Variants in FAT3 observed in about 807,000 individuals in gnomAD.
The protein encoded by FAT3 is FAT atypical cadherin 3.
A neutral mutation model predicts 310.2 loss-of-function variants in FAT3; 95 were observed. That is an observed-to-expected ratio of 0.31 (90% CI 0.26 to 0.36). The LOEUF is 0.36. Ranked by LOEUF, FAT3 falls within the 10% of genes least tolerant of loss-of-function variation. The pLI, the probability that FAT3 is intolerant of heterozygous loss-of-function variation, is 1.00. For missense variants in FAT3, 5,408 were observed against 5,715.6 expected, an observed-to-expected ratio of 0.95 and a Z score of 1.74; for synonymous variants, 2,314 against 2,192.9, an observed-to-expected ratio of 1.06 and a Z score of -1.54.
intron 4 of FAT3, among the ~76,000 whole-genome samples, chr11:92,756,947 A>G (rs1946011396): frequency 8.2e-6 from 1 of 121,998 alleles, no homozygotes; most frequent in Admixed American, 9.1e-5. Flanking sequence ...TTTTTTAGAC[A>G]GAGGTTTGCT....
At position 92,487,765 on chromosome 11, in the gene FAT3, C is replaced by T. The variant is rs577880108; in HGVS notation, c.3293-36869C>T. ...GTATAATCTAATAGGGTTATTATAG[C>T]TCCCAGTTCTTATGACCCTACCTTC... is the stretch of plus-strand genomic sequence containing the variant. On this transcript the variant is annotated intron_variant, in intron 2 of 27. Transcript: ENST00000525166. 2.6e-5 allele frequency among the ~76,000 whole-genome samples: 4 copies of T among 152,270 alleles called. No homozygotes were observed. In the East Asian group the frequency reaches 7.8e-4, roughly 30 times the overall value.
At chr11:92,622,258 T>C (rs1941121577) in intron 3 of FAT3, among the ~76,000 whole-genome samples, 2 of 148,300 alleles carry the variant, frequency 1.3e-5, no homozygotes, top group South Asian at 4.5e-4. Flanking sequence ...GACTCCAGCA[T>C]AGGCAAGAGC....
chr11:92,245,691 A>G (rs1412174995), intron 1 of FAT3, among the ~76,000 whole-genome samples: 1 of 152,142 alleles, frequency 6.6e-6, no homozygotes, highest in Non-Finnish European at 1.5e-5. Context: ...GTAGCTTGAA[A>G]GCAGCCATAA....
chr11:92,699,794 A>T (rs894084975), intron 4 of FAT3, among the ~76,000 whole-genome samples: 2 of 152,204 alleles, frequency 1.3e-5, no homozygotes, highest in African/African-American at 4.8e-5. Flanking sequence ...AATACATGTA[A>T]AACATCCAGT....
chr11:92,415,883 G>T, intron 2 of FAT3, among the ~76,000 whole-genome samples: 1 of 119,916 alleles, frequency 8.3e-6, no homozygotes, highest in Non-Finnish European at 1.7e-5. Flanking sequence ...TAAGAGATTA[G>T]GTGTCTGTGT....
At chr11:92,497,993 TG>T (rs1308129515) in intron 2 of FAT3, among the ~76,000 whole-genome samples, 2 of 152,004 alleles carry the variant, frequency 1.3e-5, no homozygotes, top group Admixed American at 6.6e-5. Context: ...TGCTGAGGCC[TG>T]GGGGTAGAGT....
chr11:92,787,059 A>G (rs1272994274), intron 7 of FAT3, among the ~76,000 whole-genome samples: 1 of 152,128 alleles, frequency 6.6e-6, no homozygotes, highest in South Asian at 2.1e-4. Context: ...GTACTACTGG[A>G]TGTCAGTAAC....
At chr11:92,441,635 T>G (rs1007887077) in intron 2 of FAT3, among the ~76,000 whole-genome samples, 1 of 150,136 alleles carries the variant, frequency 6.7e-6, no homozygotes, top group African/African-American at 2.5e-5. Context: ...CCCACTGATT[T>G]AAAACTAAAA....
At chr11:92,331,767 C>T (rs556110305) in intron 1 of FAT3, among the ~76,000 whole-genome samples, 14 of 152,308 alleles carry the variant, frequency 9.2e-5, no homozygotes, top group African/African-American at 3.4e-4. Flanking sequence ...TCTTGATACC[C>T]ACTCATTTAG....
intron 19 of FAT3, among the ~76,000 whole-genome samples, chr11:92,851,109 G>A (rs547408906): frequency 7.2e-5 from 11 of 152,322 alleles, no homozygotes; most frequent in South Asian, 6.2e-4. Flanking sequence ...TTCCTGTGAC[G>A]CGGATGAGTA....
chr11:92,290,012 C>G (rs536724019), intron 1 of FAT3, among the ~76,000 whole-genome samples: 2 of 152,230 alleles, frequency 1.3e-5, no homozygotes, highest in African/African-American at 4.8e-5. Context: ...ACACTGTCCC[C>G]TCTTGTTCCT....
In FAT3 at chr11:92,428,402, T is replaced by C. The variant is rs575978494; in HGVS notation, c.3292+72998T>C. ...TCCTTCAGTTCTGCTCTGATCTTGG[T>C]TATTTCTTTTCTTCTGCTAGCTTTT... On this transcript the variant is annotated intron_variant, in intron 2 of 27. Coordinates refer to ENST00000525166, the MANE Select transcript of FAT3 (RefSeq NM_001367949.2). Among the ~76,000 whole-genome samples, 149 of 152,214 alleles carry C rather than the reference T, an allele frequency of 9.8e-4. 1 individual carries two copies. The highest frequency in any genetic ancestry group is 9.1e-3 in the Admixed American group (139 of 15,288).
At chr11:92,252,821 C>T (rs1356028235) in intron 1 of FAT3, among the ~76,000 whole-genome samples, 1 of 152,108 alleles carries the variant, frequency 6.6e-6, no homozygotes, top group Non-Finnish European at 1.5e-5. Context: ...AAGCAAGTAA[C>T]TGCAGCTAAA....
At chr11:92,868,908 A>G (rs1763248837) in intron 22 of FAT3, among the ~76,000 whole-genome samples, 1 of 152,184 alleles carries the variant, frequency 6.6e-6, no homozygotes, top group Non-Finnish European at 1.5e-5. Context: ...TCTTCATTTA[A>G]CCATATTTCA....
Position 92,579,777 on chromosome 11 carries a change from A to G in FAT3, c.3607+54829A>G, listed in dbSNP as rs557464316. Reference sequence around the variant, plus strand: ...CTCCCTATAATCAGCACCTGTTATGACAAAATATTAGAGGTTGTAGGATTA... The same window carrying G: ...CTCCCTATAATCAGCACCTGTTATGGCAAAATATTAGAGGTTGTAGGATTA... On this transcript the variant is annotated intron_variant, in intron 3 of 27. Coordinates refer to ENST00000525166, the MANE Select transcript of FAT3 (RefSeq NM_001367949.2). Among the ~76,000 whole-genome samples the G allele has an allele frequency of 6.6e-5, 10 of 152,286 alleles. No homozygotes were observed. In the East Asian group the frequency reaches 1.9e-3, roughly 29 times the overall value.
chr11:92,412,337 G>A (rs1228418955), intron 2 of FAT3, among the ~76,000 whole-genome samples: 2 of 149,262 alleles, frequency 1.3e-5, no homozygotes, highest in African/African-American at 2.4e-5. Context: ...TCCTGACCTC[G>A]TGATCCACCC....
At chr11:92,860,536 T>A (rs73543952) in intron 21 of FAT3, among the ~76,000 whole-genome samples, 2,775 of 152,342 alleles carry the variant, frequency 0.018, 101 homozygotes, top group African/African-American at 0.063. Context: ...TATGTCAGCC[T>A]GTTGTAAATG....
chr11:92,616,361 C>G (rs529207729), intron 3 of FAT3, among the ~76,000 whole-genome samples: 2 of 120,036 alleles, frequency 1.7e-5, no homozygotes, highest in South Asian at 4.7e-4. Flanking sequence ...TTATTTTGAG[C>G]CTGTGTGTGT....
intron 2 of FAT3, among the ~76,000 whole-genome samples, chr11:92,425,533 C>T (rs1421117295): frequency 2.6e-5 from 4 of 152,044 alleles, no homozygotes. Context: ...GCTATCCCTC[C>T]CCTTGCCCCC....
Sources: allele counts gnomAD v4.1 joint callset (sites outside exome capture counted in the v4.1 genomes callset), GRCh38; gene constraint gnomAD v4.1.1; transcripts MANE v1.5; gene names NCBI Gene and HGNC (gene_info 2026-07-23, HGNC 2026-07-21).